ACTN1: variants seen among roughly 807,000 people sequenced by gnomAD.
The protein encoded by ACTN1 is alpha-actinin-1.
In ACTN1, 30 loss-of-function variants were observed where a neutral mutation model predicts 119.6. The observed-to-expected ratio is 0.25, with a 90% confidence interval of 0.19 to 0.34. The LOEUF (loss-of-function observed/expected upper bound fraction) is 0.34, where lower values mean the gene tolerates loss of function less well. Among genes scored for constraint, ACTN1 ranks in the 10% least tolerant of loss-of-function variants. The pLI is 1.00. For synonymous variants in ACTN1, 429 were observed against 472.6 expected, an observed-to-expected ratio of 0.91 and a Z score of 1.20; for missense variants, 764 against 1,223.4, an observed-to-expected ratio of 0.62 and a Z score of 5.60.
At chr14:68,959,374 T>C (rs910726220) in intron 1 of ACTN1, among the ~76,000 whole-genome samples, 5 of 152,228 alleles carry the variant, frequency 3.3e-5, no homozygotes, top group Non-Finnish European at 7.3e-5. Context: ...GTGTGTTCCA[T>C]GAAACTAATA....
At chr14:68,960,218 CAGTCGGTATAACTTTTATGAAA>C (rs2036483230) in intron 1 of ACTN1, among the ~76,000 whole-genome samples, 1 of 151,996 alleles carries the variant, frequency 6.6e-6, no homozygotes, top group South Asian at 2.1e-4. Context: ...GAGGCAGGCA[CAGTCGGTATAACTTTTATGAAA>C]AAAAATCTTG....
Position 68,883,016 on chromosome 14 carries a change from G to A in ACTN1, c.1675C>T (p.Pro559Ser). The A allele has an allele frequency of 6.2e-7, 1 of 1,614,206 alleles. No homozygotes were observed. The highest frequency in any genetic ancestry group is 8.5e-7 in the Non-Finnish European group (1 of 1,180,044). ...TAHEQFKATL[P>S]DADKERLAIL... Reference sequence around the variant, plus strand: ...GCCAGGCGCTCCTTGTCGGCATCAGGGAGGGTGGCCTTGAACTGCTCATGG... The same window carrying A: ...GCCAGGCGCTCCTTGTCGGCATCAGAGAGGGTGGCCTTGAACTGCTCATGG... The change falls in exon 15 of 22, where the codon CCT (proline) becomes TCT (serine). Residue 559 changes from proline (P) to serine (S), a missense_variant. Physicochemically the swap from Pro to Ser is moderately conservative, Grantham distance 74. Around this residue, in one of 4 missense-constraint regions of ACTN1, gnomAD observed 544 missense variants for 912.0 expected, o/e 0.60. Transcript: ENST00000394419.
intron 16 of ACTN1, among the ~76,000 whole-genome samples, chr14:68,881,851 C>A (rs1247133114): frequency 6.6e-6 from 1 of 151,826 alleles, no homozygotes; most frequent in Non-Finnish European, 1.5e-5. Flanking sequence ...GAAGGGGAGG[C>A]CTGATCAACA....
chr14:68,947,004 G>A (rs1266568119), intron 1 of ACTN1, among the ~76,000 whole-genome samples: 1 of 152,186 alleles, frequency 6.6e-6, no homozygotes, highest in African/African-American at 2.4e-5. Context: ...GGCCATACTT[G>A]TCTCATTCCA....
intron 21 of ACTN1, among the ~76,000 whole-genome samples, chr14:68,876,539 G>A (rs1401419466): frequency 6.6e-6 from 1 of 152,180 alleles, no homozygotes; most frequent in Admixed American, 6.5e-5. Context: ...TGGAGACTTG[G>A]ACTGAGCCTC....
chr14:68,950,464 A>G lies in ACTN1; in HGVS notation c.106-24792T>C, dbSNP rs372300397. Reference sequence around the variant, plus strand: ...TACCATAATATATATGCGTGTGTGTATATATATATATATAAATCAAACATA... The same window carrying G: ...TACCATAATATATATGCGTGTGTGTGTATATATATATATAAATCAAACATA... On this transcript the variant is annotated intron_variant, in intron 1 of 21. Transcript: ENST00000394419. Among the ~76,000 whole-genome samples the G allele has an allele frequency of 2.5e-4, 20 of 79,774 alleles. 1 individual carries two copies. The highest frequency in any genetic ancestry group is 1.4e-3 in the African/African-American group (13 of 9,448). The allele number at this position is 79,774 out of a possible 152,430, so 52.3% of individuals were successfully genotyped here.
At chr14:68,959,721 C>A (rs777938333) in intron 1 of ACTN1, among the ~76,000 whole-genome samples, 3 of 152,058 alleles carry the variant, frequency 2.0e-5, no homozygotes, top group African/African-American at 7.2e-5. Context: ...GGGGGTTGAA[C>A]GAAATGGGGA....
At position 68,909,332 on chromosome 14, in the gene ACTN1, C is replaced by T. The variant is rs145918825; in HGVS notation, c.580G>A (p.Gly194Arg). ...HRHRPELIDY[G>R]KLRKDDPLTN... ...GGCACACATACCTTCCGCAGCTTCCCGTAGTCAATCAGCTCGGGCCGGTGT... is the reference window on the plus strand; with the variant it reads ...GGCACACATACCTTCCGCAGCTTCCTGTAGTCAATCAGCTCGGGCCGGTGT... The change falls in exon 6 of 22, where the codon GGG (glycine) becomes AGG (arginine). Residue 194 changes from glycine to arginine, a missense_variant. Physicochemically the swap from Gly to Arg is moderately radical, Grantham distance 125. This residue lies in a region of ACTN1 where 544 missense variants were observed against 912.0 expected (regional missense o/e 0.60). Coordinates refer to ENST00000394419, the MANE Select transcript of ACTN1 (RefSeq NM_001130004.2). This position sits in a 1 kb window ranked among gnomAD's most constrained non-coding sequence, Gnocchi z 4.1. 4.6e-4 allele frequency: 744 copies of T among 1,613,830 alleles called. No homozygotes were observed. The highest frequency in any genetic ancestry group is 6.0e-4 in the Non-Finnish European group (707 of 1,179,970).
rs1277500637 is a variant in ACTN1, at chr14:68,885,039, C to T, written c.1386-156G>A. On this transcript the variant is annotated intron_variant, in intron 12 of 21. Transcript: ENST00000394419. The surrounding 1 kb of genome is among the most constrained non-coding windows in gnomAD (Gnocchi z 5.6). The stretch of plus-strand genomic sequence containing the variant: ...TTCCAGGCACTCCTTCCACCCCTCC[C>T]CTCTTTCAGGAGACTGGCAGAGAGG... Among the ~76,000 whole-genome samples, 3 of 152,160 alleles carry T rather than the reference C, an allele frequency of 2.0e-5. No individual in the cohort carries two copies. Among genetic ancestry groups the T allele is most frequent in the African/African-American group, 2.4e-5 (1 of 41,426 alleles).
At chr14:68,957,241 TC>T (rs2036379411) in intron 1 of ACTN1, among the ~76,000 whole-genome samples, 1 of 152,170 alleles carries the variant, frequency 6.6e-6, no homozygotes, top group Non-Finnish European at 1.5e-5. Flanking sequence ...GTCTGAGAGT[TC>T]CATGCATGGT....
rs567060611 is a variant in ACTN1 at position 68,948,408 on chromosome 14, T to C, written c.106-22736A>G. 4.6e-5 allele frequency among the ~76,000 whole-genome samples: 7 copies of C among 152,144 alleles called. No homozygotes were observed. In the East Asian group the frequency reaches 1.4e-3, roughly 29 times the overall value. On this transcript the variant is annotated intron_variant, in intron 1 of 21. Coordinates refer to ENST00000394419, the MANE Select transcript of ACTN1 (RefSeq NM_001130004.2). ...CCTGACCAACATGGTGGAACCCCCG[T>C]CTCTACTAAAAATACAAAAATTAGC...
intron 1 of ACTN1, among the ~76,000 whole-genome samples, chr14:68,926,964 G>A (rs1260124010): frequency 1.3e-5 from 2 of 152,192 alleles, no homozygotes; most frequent in East Asian, 3.8e-4. Flanking sequence ...GAAAGGGACA[G>A]CATTATGATA....
chr14:68,906,265 A>G (rs966717079), intron 6 of ACTN1, among the ~76,000 whole-genome samples: 1 of 152,216 alleles, frequency 6.6e-6, no homozygotes. Context: ...CAGTTATTGT[A>G]TAAGTTTTTA....
intron 2 of ACTN1, among the ~76,000 whole-genome samples, chr14:68,924,230 C>A (rs936251861): frequency 6.6e-6 from 1 of 152,186 alleles, no homozygotes; most frequent in African/African-American, 2.4e-5. Flanking sequence ...CCCTTAATAC[C>A]GCTGAACTGC....
At chr14:68,915,823 C>G (rs776408366) in intron 3 of ACTN1, among the ~76,000 whole-genome samples, 3 of 152,166 alleles carry the variant, frequency 2.0e-5, no homozygotes, top group Non-Finnish European at 4.4e-5. Context: ...TCAAGACCAG[C>G]CTGGACAACA....
intron 1 of ACTN1, among the ~76,000 whole-genome samples, chr14:68,961,934 C>CTGTA (rs2036554758): frequency 6.6e-6 from 1 of 152,198 alleles, no homozygotes; most frequent in Admixed American, 6.5e-5. Context: ...CCCACCCAGC[C>CTGTA]TGTACTTCTC....
chr14:68,904,569 C>T (rs2033549283), intron 7 of ACTN1, 86 bp downstream of exon 7: 1 of 1,258,376 alleles, frequency 7.9e-7, no homozygotes, highest in South Asian at 1.2e-5. Flanking sequence ...CCCGTCCAGC[C>T]CCGGACTGCT....
At chr14:68,944,349 C>A (rs530848350) in intron 1 of ACTN1, among the ~76,000 whole-genome samples, 1 of 152,356 alleles carries the variant, frequency 6.6e-6, no homozygotes, top group Admixed American at 6.5e-5. Context: ...CAGCCTCCCT[C>A]ACGCAGGCCA....
intron 7 of ACTN1, 98 bp from the exon 8 acceptor site, chr14:68,902,660 CT>C: frequency 9.7e-7 from 1 of 1,029,480 alleles, no homozygotes; most frequent in Non-Finnish European, 1.5e-6. Context: ...ACCAAGTCTT[CT>C]TGCCAAAATG....
Sources: gnomAD v4.1 joint callset for allele counts (sites outside exome capture counted in the v4.1 genomes callset) on GRCh38, gnomAD v4.1.1 for gene constraint, gnomAD v4.1.1 regional missense constraint, Gnocchi (gnomAD v3.1) non-coding constraint, MANE v1.5 for transcripts, NCBI Gene and HGNC (gene_info 2026-07-23, HGNC 2026-07-21) for gene names.